CDH20: variants seen among roughly 807,000 people sequenced by gnomAD.
CDH20 encodes cadherin-20.
In CDH20, 29 loss-of-function variants were observed where a neutral mutation model predicts 74.2. That is an observed-to-expected ratio of 0.39 (90% confidence interval 0.29 to 0.53). CDH20 has a LOEUF of 0.53. Ranked by LOEUF, CDH20 falls within the 20% of genes least tolerant of loss-of-function variation. The pLI is 0.69. For missense variants in CDH20, 988 were observed against 1,048.3 expected (o/e 0.94, Z 0.79); for synonymous variants, 469 against 405.4 (o/e 1.16, Z -1.88).
rs1031050916 is a variant in CDH20 at position 61,353,142 on chromosome 18, C to G, written c.-153+19315C>G. On this transcript the variant is annotated intron_variant, in intron 1 of 11. Transcript: ENST00000262717. The surrounding 1 kb of genome is among the most constrained non-coding windows in gnomAD (Gnocchi z 4.6). ...TGTGTGCCCCAACAAAGGCGCGGGT[C>G]TGATACATCAGTTTCTAACTTAGAA... Among the ~76,000 whole-genome samples, 1 of 152,214 alleles carries G rather than the reference C, an allele frequency of 6.6e-6. No individual in the cohort carries two copies. Among genetic ancestry groups the G allele is most frequent in the Non-Finnish European group, 1.5e-5 (1 of 68,040 alleles).
At chr18:61,335,459 C>A (rs749009640) in intron 1 of CDH20, among the ~76,000 whole-genome samples, 3 of 152,150 alleles carry the variant, frequency 2.0e-5, no homozygotes, top group Admixed American at 6.5e-5. Context: ...CAAGCCTCCA[C>A]GCTGGCCACA....
chr18:61,538,622 T>TC (rs1409676710), intron 8 of CDH20, among the ~76,000 whole-genome samples: 1 of 92,748 alleles, frequency 1.1e-5, no homozygotes, highest in Non-Finnish European at 2.3e-5. Context: ...TTGTTTTTGT[T>TC]TTGTTTTTTT....
chr18:61,503,531 A>T (rs1911459763), intron 5 of CDH20, among the ~76,000 whole-genome samples: 1 of 152,146 alleles, frequency 6.6e-6, no homozygotes, highest in African/African-American at 2.4e-5. Flanking sequence ...GGCCATATTG[A>T]TCCATTGAGA....
intron 6 of CDH20, 87 bp downstream of exon 6, chr18:61,507,647 GC>G (rs1437460156): frequency 5.6e-6 from 5 of 885,388 alleles, no homozygotes; most frequent in Non-Finnish European, 8.3e-6. Context: ...TTATTGATAT[GC>G]ATTGCTTCAA....
intron 1 of CDH20, among the ~76,000 whole-genome samples, chr18:61,476,385 T>C (rs1910385799): frequency 6.6e-6 from 1 of 152,122 alleles, no homozygotes; most frequent in South Asian, 2.1e-4. Flanking sequence ...TTCTAGCCAC[T>C]ATCTGATTGC....
intron 10 of CDH20, among the ~76,000 whole-genome samples, chr18:61,547,023 T>A (rs1913272392): frequency 6.6e-6 from 1 of 152,094 alleles, no homozygotes; most frequent in African/African-American, 2.4e-5. Context: ...AGACCCTATC[T>A]CTGAAAAACA....
chr18:61,464,512 G>C (rs974440993), intron 1 of CDH20, among the ~76,000 whole-genome samples: 1 of 152,090 alleles, frequency 6.6e-6, no homozygotes, highest in African/African-American at 2.4e-5. Context: ...CAAAGACCAG[G>C]CTATGTCCAG....
chr18:61,344,576 G>A (rs935224327), intron 1 of CDH20, among the ~76,000 whole-genome samples: 1 of 152,052 alleles, frequency 6.6e-6, no homozygotes, highest in African/African-American at 2.4e-5. Flanking sequence ...AATAAAATAC[G>A]TCATTTTAAA....
intron 1 of CDH20, among the ~76,000 whole-genome samples, chr18:61,377,111 C>G (rs1013742780): frequency 1.3e-5 from 2 of 152,084 alleles, no homozygotes; most frequent in Non-Finnish European, 2.9e-5. Context: ...AGAATTTACA[C>G]GGTCAAAACT....
intron 1 of CDH20, among the ~76,000 whole-genome samples, chr18:61,422,148 A>G (rs1252326407): frequency 6.6e-6 from 1 of 152,158 alleles, no homozygotes; most frequent in Non-Finnish European, 1.5e-5. Flanking sequence ...ACGGTTCTTT[A>G]GCTCCATGGG....
intron 1 of CDH20, among the ~76,000 whole-genome samples, chr18:61,341,421 AG>A (rs1909943815): frequency 1.4e-5 from 1 of 72,606 alleles, no homozygotes; most frequent in Non-Finnish European, 3.4e-5. Context: ...GACTGCCTTG[AG>A]CCCCCCCCCC....
At chr18:61,537,214 T>C (rs1250935543) in intron 8 of CDH20, among the ~76,000 whole-genome samples, 1 of 151,974 alleles carries the variant, frequency 6.6e-6, no homozygotes, top group Non-Finnish European at 1.5e-5. Context: ...CTTAGAAAAA[T>C]GGCAGTCCCT....
chr18:61,529,684 A>C (rs2144374791), intron 7 of CDH20, among the ~76,000 whole-genome samples: 1 of 152,292 alleles, frequency 6.6e-6, no homozygotes, highest in East Asian at 1.9e-4. Context: ...CTAATTTATT[A>C]ATTATATATG....
At chr18:61,379,245 TAATC>T (rs1911353235) in intron 1 of CDH20, among the ~76,000 whole-genome samples, 1 of 152,234 alleles carries the variant, frequency 6.6e-6, no homozygotes, top group Admixed American at 6.5e-5. Context: ...AGCCTAATAA[TAATC>T]AAGCAATTTC....
chr18:61,339,701 T>TTTTTTTC (rs58434671), intron 1 of CDH20, among the ~76,000 whole-genome samples: 74 of 122,938 alleles, frequency 6.0e-4, no homozygotes, highest in South Asian at 8.6e-4. Flanking sequence ...TTTTTTTTTT[T>TTTTTTTC]TTTTGAGATG....
At chr18:61,462,168 CA>C (rs1370792312) in intron 1 of CDH20, among the ~76,000 whole-genome samples, 2 of 152,046 alleles carry the variant, frequency 1.3e-5, no homozygotes, top group African/African-American at 2.4e-5. Flanking sequence ...ATTGCTAAGA[CA>C]GTAAATTTCA....
intron 1 of CDH20, among the ~76,000 whole-genome samples, chr18:61,424,139 C>T (rs1357757278): frequency 6.6e-6 from 1 of 152,198 alleles, no homozygotes; most frequent in African/African-American, 2.4e-5. Flanking sequence ...TATTTTGATA[C>T]ATGCATATGA....
chr18:61,549,009 T>C (rs1366259160), intron 10 of CDH20, among the ~76,000 whole-genome samples: 1 of 152,196 alleles, frequency 6.6e-6, no homozygotes, highest in Non-Finnish European at 1.5e-5. Flanking sequence ...ATGAAACACA[T>C]CCATGGGACC....
chr18:61,546,551 T>C (rs1239978838), intron 10 of CDH20, among the ~76,000 whole-genome samples: 4 of 152,216 alleles, frequency 2.6e-5, no homozygotes, highest in Non-Finnish European at 5.9e-5. Context: ...CAAAAAGTGC[T>C]TTCAACCTAG....
Sources: allele counts gnomAD v4.1 joint callset (sites outside exome capture counted in the v4.1 genomes callset), GRCh38; gene constraint gnomAD v4.1.1; non-coding constraint Gnocchi (gnomAD v3.1); transcripts MANE v1.5; gene names NCBI Gene and HGNC (gene_info 2026-07-23, HGNC 2026-07-21).